The following CBR4 variants were observed in gnomAD, a reference collection of about 807,000 sequenced individuals.
The protein encoded by CBR4 is carbonyl reductase 4.
Under a neutral mutation model 21.0 loss-of-function variants are expected in CBR4, and 22 were observed. The ratio of observed to expected loss-of-function variants is 1.05; its 90% confidence interval spans 0.75 to 1.50. The LOEUF is 1.50. CBR4 is among the 40% of genes most tolerant of loss of function. The pLI, the probability that CBR4 is intolerant of heterozygous loss-of-function variation, is 0.00. For synonymous variants in CBR4, 100 were observed against 104.4 expected (o/e 0.96, Z 0.26); for missense variants, 302 against 286.3 (o/e 1.05, Z -0.40).
Position 169,010,160 on chromosome 4 carries a change from A to T in CBR4, c.-71T>A, listed in dbSNP as rs564785309. 1 of 1,268,046 alleles carries T rather than the reference A, an allele frequency of 7.9e-7. No homozygotes were observed. Among genetic ancestry groups the T allele is most frequent in the South Asian group, 2.0e-5 (1 of 49,614 alleles). 78.5% of individuals were successfully genotyped at this position (1,268,046 alleles called of 1,614,324 possible). A position where few individuals can be genotyped will look rare whatever the true frequency, so the allele number is the denominator to read the frequency against. On this transcript the variant is annotated 5_prime_UTR_variant, in exon 1 of 5. Coordinates refer to ENST00000306193, the MANE Select transcript of CBR4 (RefSeq NM_032783.5). ...CCTCTCCAGGTTCCCTCAGGCTTTTAAACAACCGCGGTTCCAAAAAAAAAA... is the reference window on the plus strand; with the variant it reads ...CCTCTCCAGGTTCCCTCAGGCTTTTTAACAACCGCGGTTCCAAAAAAAAAA...
At chr4:169,004,250 T>G (rs942457762) in intron 3 of CBR4, among the ~76,000 whole-genome samples, 2 of 152,192 alleles carry the variant, frequency 1.3e-5, no homozygotes, top group Non-Finnish European at 2.9e-5. Context: ...AATAAAGTAT[T>G]TTTTTAGCAA....
chr4:168,925,210 TC>T (rs1762341461), intron 2 of CBR4: 5 of 111,186 alleles, frequency 4.5e-5, no homozygotes, highest in Non-Finnish European at 6.8e-5. Flanking sequence ...TTCATATTGC[TC>T]TCTCTCTCTT....
chr4:168,942,851 C>G (rs1763300723), intron 2 of CBR4, among the ~76,000 whole-genome samples: 1 of 151,842 alleles, frequency 6.6e-6, no homozygotes, highest in Non-Finnish European at 1.5e-5. Flanking sequence ...TAGAAATGAC[C>G]AACTAATATA....
intron 2 of CBR4, among the ~76,000 whole-genome samples, chr4:168,970,080 TC>T (rs1764159115): frequency 6.6e-6 from 1 of 152,234 alleles, no homozygotes; most frequent in African/African-American, 2.4e-5. Context: ...TTGCCCATTT[TC>T]CTAACGGGTT....
Position 168,922,102 on chromosome 4 carries a change from TACACACACACACACACACACACAC to T in CBR4, n.170-27361_170-27338del, listed in dbSNP as rs35503011. Among the ~76,000 whole-genome samples, 21 of 132,630 alleles carry T rather than the reference TACACACACACACACACACACACAC, an allele frequency of 1.6e-4. No homozygotes were observed. The East Asian group carries it at 3.1e-3, about 19-fold the overall frequency. The allele number at this position is 132,630 out of a possible 152,430, so 87.0% of individuals were successfully genotyped here. A position where few individuals can be genotyped will look rare whatever the true frequency, so the allele number is the denominator to read the frequency against. ...TTTTATATTTATATATATATATATA[TACACACACACACACACACACACAC>T]ACACACACACACACACACCTGGTTT... On this transcript the variant is annotated intron_variant and non_coding_transcript_variant, in intron 2 of 3. Coordinates refer to the CBR4 transcript ENST00000509108.
rs563279000 is a variant in CBR4, at chr4:168,932,431, G to C, written n.170-37666C>G. ...ATAAAGAAAGCCTACAGAATGTATG[G>C]GACACTGTTAAGTGAACAAATATTT... On this transcript the variant is annotated intron_variant and non_coding_transcript_variant, in intron 2 of 3. Transcript: ENST00000509108. Among the ~76,000 whole-genome samples, 3 of 152,122 alleles carry C rather than the reference G, an allele frequency of 2.0e-5. No homozygotes were observed. The South Asian group carries it at 6.2e-4, about 32-fold the overall frequency.
intron 2 of CBR4, among the ~76,000 whole-genome samples, chr4:168,936,678 G>A (rs1763121456): frequency 6.6e-6 from 1 of 152,054 alleles, no homozygotes; most frequent in South Asian, 2.1e-4. Flanking sequence ...TGGAAGACAG[G>A]ATATCAGAGA....
At chr4:168,909,006 T>C (rs1010573586) in intron 2 of CBR4, among the ~76,000 whole-genome samples, 3 of 152,182 alleles carry the variant, frequency 2.0e-5, no homozygotes, top group African/African-American at 7.2e-5. Context: ...TACTGGGCTG[T>C]GTATCACACT....
chr4:169,003,292 A>T lies in CBR4; in HGVS notation c.401-1087T>A, dbSNP rs111970876. 9.5e-3 allele frequency among the ~76,000 whole-genome samples: 1,443 copies of T among 152,318 alleles called. 16 individuals carry two copies. The highest frequency in any genetic ancestry group is 0.017 in the African/African-American group (701 of 41,574). The stretch of plus-strand genomic sequence containing the variant: ...ACCAACATTAACAGAAGTTTGAAAG[A>T]AGTTATTTTAACCCTCATGGATGAC... On this transcript the variant is annotated intron_variant, in intron 3 of 4. Transcript: ENST00000306193.
intron 2 of CBR4, among the ~76,000 whole-genome samples, chr4:168,902,370 G>A (rs923808809): frequency 9.2e-5 from 14 of 152,176 alleles, no homozygotes; most frequent in African/African-American, 2.4e-4. Flanking sequence ...GTCTGCAGGT[G>A]GGGTGATGTA....
At chr4:168,919,630 C>CCAAA (rs1761021596) in intron 2 of CBR4, among the ~76,000 whole-genome samples, 1 of 152,174 alleles carries the variant, frequency 6.6e-6, no homozygotes, top group Admixed American at 6.5e-5. Context: ...TGACGATAAG[C>CCAAA]CAAACACTAA....
Position 168,896,582 on chromosome 4 carries a change from C to A in CBR4, n.170-1817G>T, listed in dbSNP as rs1237533886. The stretch of plus-strand genomic sequence containing the variant: ...TTCTCCTCATGCTTCTGTAGGGAGT[C>A]CTCTGGATGGTCAAAAGGTTAAGCT... On this transcript the variant is annotated intron_variant and non_coding_transcript_variant, in intron 2 of 3. Coordinates refer to the CBR4 transcript ENST00000509108. 2.0e-6 allele frequency: 3 copies of A among 1,517,070 alleles called. No homozygotes were observed. The East Asian group carries it at 7.4e-5, about 37-fold the overall frequency. 94.0% of individuals were successfully genotyped at this position (1,517,070 alleles called of 1,614,324 possible).
chr4:169,003,643 T>C (rs1730648199), intron 3 of CBR4, among the ~76,000 whole-genome samples: 1 of 152,088 alleles, frequency 6.6e-6, no homozygotes, highest in Non-Finnish European at 1.5e-5. Flanking sequence ...TCTCACGAAA[T>C]GAAGAGTCAA....
chr4:168,920,672 C>G (rs1302154300), intron 2 of CBR4, among the ~76,000 whole-genome samples: 2 of 152,094 alleles, frequency 1.3e-5, no homozygotes, highest in Non-Finnish European at 2.9e-5. Context: ...CTGTCAAGGT[C>G]TCAAGATTTT....
chr4:168,998,208 A>G lies in CBR4; in HGVS notation c.535+3863T>C, dbSNP rs934998243. Among the ~76,000 whole-genome samples the G allele has an allele frequency of 2.0e-5, 3 of 152,332 alleles. No homozygotes were observed. The East Asian group carries it at 5.8e-4, about 29-fold the overall frequency. ...AAATTAAAAATGCACATACCTCTGA[A>G]GCCTTTGCAGTTCCAGTCCCAAGAT... is the stretch of plus-strand genomic sequence containing the variant. On this transcript the variant is annotated intron_variant, in intron 4 of 4. Transcript: ENST00000306193.
chr4:168,897,388 AAAGTT>A (rs1348563827), intron 2 of CBR4, among the ~76,000 whole-genome samples: 1 of 152,246 alleles, frequency 6.6e-6, no homozygotes, highest in Non-Finnish European at 1.5e-5. Flanking sequence ...AAACATAGTT[AAAGTT>A]ATCTTTCATT....
At chr4:168,968,709 G>A (rs563590911) in intron 2 of CBR4, among the ~76,000 whole-genome samples, 24 of 152,256 alleles carry the variant, frequency 1.6e-4, no homozygotes, top group African/African-American at 5.8e-4. Flanking sequence ...TAATTAAGTA[G>A]GAATATGATA....
intron 2 of CBR4, among the ~76,000 whole-genome samples, chr4:168,952,520 T>C (rs1763570313): frequency 6.6e-6 from 1 of 152,180 alleles, no homozygotes. Flanking sequence ...GAGTTGGTTT[T>C]CTAGTTGCTT....
intron 3 of CBR4, chr4:168,894,520 G>A (rs999332535): frequency 9.0e-6 from 9 of 997,206 alleles, no homozygotes; most frequent in African/African-American, 3.2e-5. Context: ...TTTTCATAGG[G>A]CAGTACATAT....
Sources: gnomAD v4.1 joint callset for allele counts (sites outside exome capture counted in the v4.1 genomes callset) on GRCh38, gnomAD v4.1.1 for gene constraint, MANE v1.5 for transcripts, NCBI Gene and HGNC (gene_info 2026-07-23, HGNC 2026-07-21) for gene names.